The following VCPIP1 variants were observed in gnomAD, a reference collection of about 807,000 sequenced individuals.
The protein encoded by VCPIP1 is deubiquitinating protein VCPIP1.
Under a neutral mutation model 85.0 loss-of-function variants are expected in VCPIP1, and 8 were observed. The observed-to-expected ratio is 0.09, with a 90% CI of 0.06 to 0.17. The LOEUF (loss-of-function observed/expected upper bound fraction) is 0.17. VCPIP1 is among the 10% of genes least tolerant of loss of function. The pLI is 1.00. For synonymous variants in VCPIP1, 543 were observed against 544.5 expected (o/e 1.00, Z 0.04); for missense variants, 1,070 against 1,486.3 (o/e 0.72, Z 4.61).
Position 66,664,662 on chromosome 8 carries a change from G to A in VCPIP1, c.2297C>T (p.Pro766Leu), listed in dbSNP as rs1811189300. 1.2e-6 allele frequency: 2 copies of A among 1,613,500 alleles called. No homozygotes were observed. Among genetic ancestry groups the A allele is most frequent in the South Asian group, 1.1e-5 (1 of 91,026 alleles). The change falls in exon 1 of 3, where the codon CCC (proline) becomes CTC (leucine). Residue 766 changes from proline to leucine, a missense_variant. Transcript: ENST00000310421. The part of the protein sequence containing the change: ...SSAPATPTKA[P>L]YSPTTSKEKK... ...CTCCTTAGAAGTTGTCGGTGAATAGGGAGCCTTGGTAGGTGTAGCAGGTGC... is the reference window on the plus strand; with the variant it reads ...CTCCTTAGAAGTTGTCGGTGAATAGAGAGCCTTGGTAGGTGTAGCAGGTGC...
At chr8:66,647,994 G>A (rs113097811) in intron 2 of VCPIP1, among the ~76,000 whole-genome samples, 4,606 of 151,814 alleles carry the variant, frequency 0.03, 231 homozygotes, top group African/African-American at 0.1. Flanking sequence ...GTAGGGATGG[G>A]GTTTCATCAT....
At chr8:66,663,035 G>A (rs1308594458) in intron 1 of VCPIP1, among the ~76,000 whole-genome samples, 4 of 149,786 alleles carry the variant, frequency 2.7e-5, no homozygotes, top group East Asian at 2.0e-4. Flanking sequence ...AACCCGGGAG[G>A]TGGAGTTTGC....
chr8:66,649,841 C>T (rs1811035302), intron 2 of VCPIP1, among the ~76,000 whole-genome samples: 1 of 151,878 alleles, frequency 6.6e-6, no homozygotes, highest in Admixed American at 6.6e-5. Flanking sequence ...ACTTGTAAGT[C>T]TGAAAAGAGT....
chr8:66,639,083 C>T (rs1427994446), intron 2 of VCPIP1, among the ~76,000 whole-genome samples: 2 of 149,964 alleles, frequency 1.3e-5, no homozygotes, highest in African/African-American at 4.9e-5. Flanking sequence ...CTCCTGGGCT[C>T]AAGTGATCCT....
chr8:66,640,624 C>G (rs76471469), intron 2 of VCPIP1, among the ~76,000 whole-genome samples: 3,042 of 152,280 alleles, frequency 0.02, 96 homozygotes, highest in African/African-American at 0.068. Flanking sequence ...GGCAGACCAG[C>G]AGACTGGCAG....
chr8:66,655,727 A>G (rs913490128), intron 1 of VCPIP1, among the ~76,000 whole-genome samples: 1 of 152,160 alleles, frequency 6.6e-6, no homozygotes, highest in African/African-American at 2.4e-5. Flanking sequence ...CTACCATTTT[A>G]TTCGAAAGCA....
Position 66,666,152 on chromosome 8 carries a change from A to G in VCPIP1, c.807T>C (p.Ile269=), listed in dbSNP as rs1298290323. 7 of 1,614,172 alleles carry G rather than the reference A, an allele frequency of 4.3e-6. No individual in the cohort carries two copies. Among genetic ancestry groups the G allele is most frequent in the Non-Finnish European group, 5.9e-6 (7 of 1,180,032 alleles). Residue 269 remains isoleucine (I), a synonymous_variant, in exon 1 of 3, where the codon ATT becomes ATC. Transcript: ENST00000310421. This position sits in a 1 kb window ranked among gnomAD's most constrained non-coding sequence, Gnocchi z 6.3. ...DFIDAAEWED[I]INECDPLFVP... ...CAAACAGAGGGTCACACTCATTGAT[A>G]ATGTCCTCCCACTCAGCAGCATCAA... is the stretch of plus-strand genomic sequence containing the variant.
Position 66,666,572 on chromosome 8 carries a change from C to T in VCPIP1, c.387G>A (p.Leu129=). 6.2e-7 allele frequency: 1 copy of T among 1,614,150 alleles called. No homozygotes were observed. Among genetic ancestry groups the T allele is most frequent in the Non-Finnish European group, 8.5e-7 (1 of 1,180,012 alleles). Residue 129 remains leucine (L), a synonymous_variant, in exon 1 of 3, where the codon TTG becomes TTA. Coordinates refer to ENST00000310421, the MANE Select transcript of VCPIP1 (RefSeq NM_025054.5). This position sits in a 1 kb window ranked among gnomAD's most constrained non-coding sequence, Gnocchi z 6.3. ...CATAGCGAGCTAATATGGGCGACAA[C>T]AATTTGCAGTGATAGTTGGAAAGGC... ...VMGLSNYHCK[L]LSPILARYGM...
Position 66,666,743 on chromosome 8 carries a change from C to G in VCPIP1, c.216G>C (p.Glu72Asp), listed in dbSNP as rs749104977. 1.2e-6 allele frequency: 2 copies of G among 1,613,956 alleles called. No individual in the cohort carries two copies. Among genetic ancestry groups the G allele is most frequent in the Non-Finnish European group, 1.7e-6 (2 of 1,179,868 alleles). Residue 72 changes from glutamate (E) to aspartate (D), a missense_variant, in exon 1 of 3, where the codon GAG (glutamate) becomes GAC (aspartate). Glu to Asp is a conservative substitution (Grantham distance 45). Around this residue, in one of 8 missense-constraint regions of VCPIP1, gnomAD observed 164 missense variants for 158.6 expected, o/e 1.03. Coordinates refer to ENST00000310421, the MANE Select transcript of VCPIP1 (RefSeq NM_025054.5). This position sits in a 1 kb window ranked among gnomAD's most constrained non-coding sequence, Gnocchi z 6.3. ...ASGSVSIECT[E>D]CGQRHEQQQL... ...GTTGCTGCTCGTGCCGCTGGCCGCA[C>G]TCGGTACACTCGATGCTGACAGAAC...
chr8:66,638,418 T>C (rs564734246), intron 2 of VCPIP1, among the ~76,000 whole-genome samples: 12 of 148,716 alleles, frequency 8.1e-5, no homozygotes, highest in Non-Finnish European at 1.5e-4. Context: ...GCCAGGGAGG[T>C]TGAGGCTGCA....
intron 2 of VCPIP1, among the ~76,000 whole-genome samples, chr8:66,645,035 G>A (rs1330506845): frequency 2.0e-5 from 3 of 151,644 alleles, no homozygotes; most frequent in Admixed American, 2.0e-4. Context: ...GTTGGTGGTG[G>A]GACACAGGTG....
rs1461807025 is a variant in VCPIP1 at position 66,628,524 on chromosome 8, AATTG to A, written c.*5973_*5976del. 1.3e-5 allele frequency: 2 copies of A among 152,240 alleles called. No homozygotes were observed. The highest frequency in any genetic ancestry group is 2.4e-5 in the African/African-American group (1 of 41,454). The allele number at this position is 152,240 out of a possible 1,614,324, so 9.4% of individuals were successfully genotyped here. On this transcript the variant is annotated 3_prime_UTR_variant, in exon 3 of 3. Coordinates refer to ENST00000310421, the MANE Select transcript of VCPIP1 (RefSeq NM_025054.5). ...ATATACATTTTTAATGATTAGAAAC[AATTG>A]ATTATTAAGTCAGAATTGCAGTTGC...
intron 1 of VCPIP1, among the ~76,000 whole-genome samples, chr8:66,653,255 A>T (rs1254254545): frequency 6.6e-6 from 1 of 152,228 alleles, no homozygotes; most frequent in African/African-American, 2.4e-5. Flanking sequence ...AAGAAATATT[A>T]ATAACCACTA....
chr8:66,650,860 CAAAAAAAAAAAA>C (rs770736039), intron 2 of VCPIP1, among the ~76,000 whole-genome samples: 7 of 13,928 alleles, frequency 5.0e-4, no homozygotes, highest in South Asian at 2.1e-3. Context: ...GACTTCGTCT[CAAAAAAAAAAAA>C]AAAAAAAAAA....
At chr8:66,655,711 G>C (rs1211099426) in intron 1 of VCPIP1, among the ~76,000 whole-genome samples, 3 of 152,112 alleles carry the variant, frequency 2.0e-5, no homozygotes, top group Non-Finnish European at 4.4e-5. Context: ...AAGGGAAATA[G>C]TTTTTCTACC....
intron 1 of VCPIP1, among the ~76,000 whole-genome samples, chr8:66,663,791 AGAC>A (rs1469373271): frequency 6.6e-6 from 1 of 152,206 alleles, no homozygotes; most frequent in Non-Finnish European, 1.5e-5. Flanking sequence ...GAAATGTAAG[AGAC>A]TACTAGGTGG....
Position 66,629,708 on chromosome 8 carries a change from T to G in VCPIP1, c.*4793A>C, listed in dbSNP as rs1810814753. 1.3e-5 allele frequency: 2 copies of G among 152,530 alleles called. No individual in the cohort carries two copies. The highest frequency in any genetic ancestry group is 4.1e-4 in the South Asian group (2 of 4,822). The allele number at this position is 152,530 out of a possible 1,614,324, so 9.4% of individuals were successfully genotyped here. ...ACAAAAAATACAAAAATTAGCCAGGTGTGGTGGCACATGCCTGTAGTCCCA... is the reference window on the plus strand; with the variant it reads ...ACAAAAAATACAAAAATTAGCCAGGGGTGGTGGCACATGCCTGTAGTCCCA... On this transcript the variant is annotated 3_prime_UTR_variant, in exon 3 of 3. Coordinates refer to ENST00000310421, the MANE Select transcript of VCPIP1 (RefSeq NM_025054.5).
Position 66,628,740 on chromosome 8 carries a change from A to G in VCPIP1, c.*5761T>C, listed in dbSNP as rs1440886764. 1 of 152,220 alleles carries G rather than the reference A, an allele frequency of 6.6e-6. No individual in the cohort carries two copies. The highest frequency in any genetic ancestry group is 2.4e-5 in the African/African-American group (1 of 41,464). 9.4% of individuals were successfully genotyped at this position (152,220 alleles called of 1,614,324 possible). On this transcript the variant is annotated 3_prime_UTR_variant, in exon 3 of 3. Coordinates refer to ENST00000310421, the MANE Select transcript of VCPIP1 (RefSeq NM_025054.5). ...GTAGCCAACACCTAAAGGAAAGGTA[A>G]TTATGTTTTAGTTTACATGGGGCTC...
In VCPIP1 at chr8:66,664,712, A is replaced by G; in HGVS notation, c.2247T>C (p.Ser749=). Residue 749 remains serine (S), a synonymous_variant, in exon 1 of 3, where the codon AGT becomes AGC. Transcript: ENST00000310421. ...CAGAGGATGGACCATCACGAATGGTACTGGGAGAAACAGTCCTGGGTTGCC... is the reference window on the plus strand; with the variant it reads ...CAGAGGATGGACCATCACGAATGGTGCTGGGAGAAACAGTCCTGGGTTGCC... ...QKGQPRTVSP[S]TIRDGPSSAP... 1 of 1,613,824 alleles carries G rather than the reference A, an allele frequency of 6.2e-7. No homozygotes were observed. Among genetic ancestry groups the G allele is most frequent in the Non-Finnish European group, 8.5e-7 (1 of 1,179,916 alleles).
Sources: allele counts gnomAD v4.1 joint callset (sites outside exome capture counted in the v4.1 genomes callset), GRCh38; gene constraint gnomAD v4.1.1; regional missense constraint gnomAD v4.1.1; non-coding constraint Gnocchi (gnomAD v3.1); transcripts MANE v1.5; gene names NCBI Gene and HGNC (gene_info 2026-07-23, HGNC 2026-07-21).